CSMD1: variants seen among roughly 807,000 people sequenced by gnomAD.
CSMD1 encodes the protein CUB and Sushi multiple domains 1, also known as CUB and sushi domain-containing protein 1.
CSMD1 carries 213 observed loss-of-function variants against 417.5 expected under a neutral mutation model. The ratio of observed to expected loss-of-function variants is 0.51; its 90% CI spans 0.46 to 0.57. The LOEUF (loss-of-function observed/expected upper bound fraction) is 0.57, where lower values mean the gene tolerates loss of function less well. Ranked by LOEUF, CSMD1 falls within the 20% of genes least tolerant of loss-of-function variation. The pLI is 0.00. For missense variants in CSMD1, 6,923 were observed against 4,529.7 expected (o/e 1.53, Z -15.17); for synonymous variants, 2,862 against 1,736.8 (o/e 1.65, Z -16.11).
chr8:3,127,068 G>A (rs527541516), intron 41 of CSMD1, among the ~76,000 whole-genome samples: 1 of 152,214 alleles, frequency 6.6e-6, no homozygotes, highest in Non-Finnish European at 1.5e-5. Flanking sequence ...GTGATCTGCA[G>A]GGAGAACATC....
intron 3 of CSMD1, among the ~76,000 whole-genome samples, chr8:4,246,106 T>G (rs1389356271): frequency 6.6e-6 from 1 of 152,144 alleles, no homozygotes; most frequent in Admixed American, 6.5e-5. Flanking sequence ...GAGTTTGTTG[T>G]ACAGATTATT....
chr8:4,243,785 G>C (rs1280743778), intron 3 of CSMD1, among the ~76,000 whole-genome samples: 1 of 152,164 alleles, frequency 6.6e-6, no homozygotes, highest in African/African-American at 2.4e-5. Context: ...AGGAAAGAAA[G>C]AAAAGCAAAT....
chr8:3,230,806 T>C (rs1432002029), intron 26 of CSMD1, among the ~76,000 whole-genome samples: 2 of 152,162 alleles, frequency 1.3e-5, no homozygotes, highest in African/African-American at 2.4e-5. Context: ...AAATTCCAAG[T>C]TGGACAATAT....
intron 5 of CSMD1, among the ~76,000 whole-genome samples, chr8:3,990,101 T>G (rs1224889148): frequency 6.6e-6 from 1 of 152,166 alleles, no homozygotes; most frequent in Admixed American, 6.5e-5. Flanking sequence ...GAAGGCAGAG[T>G]GTTTTTAAAT....
chr8:3,294,974 C>T (rs1280522536), intron 25 of CSMD1, among the ~76,000 whole-genome samples: 1 of 152,004 alleles, frequency 6.6e-6, no homozygotes, highest in African/African-American at 2.4e-5. Flanking sequence ...TCCACCCATC[C>T]CATTTATATT....
At chr8:3,117,475 A>T (rs925980896) in intron 42 of CSMD1, among the ~76,000 whole-genome samples, 1 of 152,312 alleles carries the variant, frequency 6.6e-6, no homozygotes, top group African/African-American at 2.4e-5. Context: ...TTTTCCCCAC[A>T]GGATACAAGT....
At chr8:3,174,411 CT>C (rs1820780434) in intron 37 of CSMD1, among the ~76,000 whole-genome samples, 1 of 152,142 alleles carries the variant, frequency 6.6e-6, no homozygotes, top group Admixed American at 6.5e-5. Context: ...GGGAGGATTG[CT>C]TGAACCCAAG....
intron 1 of CSMD1, among the ~76,000 whole-genome samples, chr8:4,974,871 G>A (rs1241185137): frequency 5.3e-5 from 8 of 152,092 alleles, no homozygotes; most frequent in African/African-American, 1.4e-4. Flanking sequence ...TGTTGCAACT[G>A]TATCAACTTT....
intron 12 of CSMD1, among the ~76,000 whole-genome samples, chr8:3,446,395 T>G (rs923942058): frequency 6.6e-6 from 1 of 152,238 alleles, no homozygotes; most frequent in Non-Finnish European, 1.5e-5. Context: ...CAACTGAGGA[T>G]CTGTCCTCTC....
intron 8 of CSMD1, among the ~76,000 whole-genome samples, chr8:3,599,229 G>C (rs1801242947): frequency 6.6e-6 from 1 of 151,860 alleles, no homozygotes; most frequent in Non-Finnish European, 1.5e-5. Context: ...GATAAACAAA[G>C]TGAAATGATT....
chr8:4,206,671 A>G (rs1216918307), intron 3 of CSMD1, among the ~76,000 whole-genome samples: 6 of 152,240 alleles, frequency 3.9e-5, no homozygotes, highest in Non-Finnish European at 8.8e-5. Context: ...TTACAGCAGC[A>G]TGATCTAAAA....
At chr8:4,222,233 A>T (rs1456615690) in intron 3 of CSMD1, among the ~76,000 whole-genome samples, 1 of 152,186 alleles carries the variant, frequency 6.6e-6, no homozygotes, top group Non-Finnish European at 1.5e-5. Flanking sequence ...TAACACGCAG[A>T]AAGTTATGAT....
intron 27 of CSMD1, 31 bp downstream of exon 27, chr8:3,230,009 T>C (rs143876326): frequency 1.4e-6 from 2 of 1,446,714 alleles, no homozygotes; most frequent in East Asian, 4.8e-5. Context: ...CATTCCTGAA[T>C]ATAAAATTTC....
At chr8:3,832,673 T>G (rs78305608) in intron 5 of CSMD1, among the ~76,000 whole-genome samples, 3,239 of 152,292 alleles carry the variant, frequency 0.021, 58 homozygotes, top group Middle Eastern at 0.051. Context: ...TCAAGGACCG[T>G]GGACACTATA....
At chr8:3,976,056 T>G (rs895080876) in intron 5 of CSMD1, among the ~76,000 whole-genome samples, 1 of 152,118 alleles carries the variant, frequency 6.6e-6, no homozygotes. Context: ...GAAATCTGTA[T>G]TTGATATGTT....
At chr8:3,784,085 G>A (rs1483745331) in intron 5 of CSMD1, among the ~76,000 whole-genome samples, 9 of 152,116 alleles carry the variant, frequency 5.9e-5, no homozygotes, top group Non-Finnish European at 8.8e-5. Context: ...AAAATGCTTC[G>A]GAAAACATTA....
At chr8:4,635,283 C>T (rs1413377936) in intron 2 of CSMD1, among the ~76,000 whole-genome samples, 5 of 152,132 alleles carry the variant, frequency 3.3e-5, no homozygotes, top group Non-Finnish European at 5.9e-5. Context: ...ACTGTTCACT[C>T]AAACTCCAAA....
rs114924209 is a variant in CSMD1 at position 3,698,825 on chromosome 8, T to C, written c.1009+9589A>G. Among the ~76,000 whole-genome samples the C allele has an allele frequency of 8.0e-3, 1,215 of 152,316 alleles. 6 individuals are homozygous for C. Among genetic ancestry groups the C allele is most frequent in the Non-Finnish European group, 0.013 (871 of 68,022 alleles). On this transcript the variant is annotated intron_variant, in intron 7 of 69. Coordinates refer to ENST00000635120, the MANE Select transcript of CSMD1 (RefSeq NM_033225.6). ...CTGGAAAATTATGGCCTGATGAAAA[T>C]GTCCGTGGGAAAATGATTTCTGAAA...
chr8:3,481,010 G>T (rs940308166), intron 11 of CSMD1, among the ~76,000 whole-genome samples: 3 of 151,664 alleles, frequency 2.0e-5, no homozygotes, highest in South Asian at 4.2e-4. Context: ...CAAAAAATTA[G>T]CCAGGCGTGG....
Sources: gnomAD v4.1 joint callset for allele counts (sites outside exome capture counted in the v4.1 genomes callset) on GRCh38, gnomAD v4.1.1 for gene constraint, MANE v1.5 for transcripts, NCBI Gene and HGNC (gene_info 2026-07-23, HGNC 2026-07-21) for gene names.